Variants in UCN3 observed in about 807,000 individuals in gnomAD.
UCN3 encodes the protein urocortin-3.
Under a neutral mutation model 3.6 loss-of-function variants are expected in UCN3, and 3 were observed. That is an observed-to-expected ratio of 0.83 (90% CI 0.38 to 2.15). The LOEUF is 2.15. Among genes scored for constraint, UCN3 ranks in the 30% most tolerant of loss-of-function variants. The pLI is 0.06. For missense variants in UCN3, 206 were observed against 208.3 expected, an observed-to-expected ratio of 0.99 and a Z score of 0.07; for synonymous variants, 100 against 93.2, an observed-to-expected ratio of 1.07 and a Z score of -0.42.
At chr10:5,368,824 A>G (rs1554810924) in intron 1 of UCN3, among the ~76,000 whole-genome samples, 1 of 152,176 alleles carries the variant, frequency 6.6e-6, no homozygotes, top group African/African-American at 2.4e-5. Context: ...ACATTTAAGG[A>G]AAGAAAAGCC....
intron 1 of UCN3, among the ~76,000 whole-genome samples, chr10:5,370,840 CG>C (rs1187051492): frequency 2.5e-5 from 1 of 40,730 alleles, no homozygotes; most frequent in Non-Finnish European, 4.5e-5. Context: ...TGTGTGTGCG[CG>C]TGTGTGTGCG....
intron 1 of UCN3, among the ~76,000 whole-genome samples, chr10:5,371,203 T>C (rs1269608112): frequency 2.0e-5 from 3 of 151,184 alleles, no homozygotes; most frequent in Non-Finnish European, 4.4e-5. Flanking sequence ...GTGAGGTGTG[T>C]ATGTGTGCAT....
In UCN3 at chr10:5,365,945, G is replaced by A. The variant is rs1253333151; in HGVS notation, c.-7+715G>A. ...GGGGAGATGGATGTTTGATGTTTAT[G>A]TTTTCTGAAAATTCCTGTTCGCAAT... On this transcript the variant is annotated intron_variant, in intron 1 of 1. Coordinates refer to ENST00000380433, the MANE Select transcript of UCN3 (RefSeq NM_053049.4). This position sits in a 1 kb window ranked among gnomAD's most constrained non-coding sequence, Gnocchi z 4.4. Among the ~76,000 whole-genome samples the A allele has an allele frequency of 6.6e-6, 1 of 152,188 alleles. No homozygotes were observed. Among genetic ancestry groups the A allele is most frequent in the Non-Finnish European group, 1.5e-5 (1 of 68,038 alleles).
rs781803330 is a variant in UCN3 at position 5,370,585 on chromosome 10, GTATA to G, written c.-6-3128_-6-3125del. Among the ~76,000 whole-genome samples the G allele has an allele frequency of 8.4e-5, 10 of 119,484 alleles. 3 individuals carry two copies. The highest frequency in any genetic ancestry group is 1.7e-4 in the Non-Finnish European group (10 of 57,834). 78.4% of individuals were successfully genotyped at this position (119,484 alleles called of 152,430 possible). On this transcript the variant is annotated intron_variant, in intron 1 of 1. Transcript: ENST00000380433. ...TGTGTGTATATGCGTGTATATGTGT[GTATA>G]TGTGTGTGTGTATGCGTGTGTATAT...
At position 5,374,132 on chromosome 10, in the gene UCN3, G is replaced by A. The variant is rs781800363; in HGVS notation, c.412G>A (p.Ala138Thr). 2.6e-5 allele frequency: 42 copies of A among 1,612,878 alleles called. No individual in the cohort carries two copies. Among genetic ancestry groups the A allele is most frequent in the Middle Eastern group, 1.6e-4 (1 of 6,082 alleles). ...TNIMNLLFNIAKAKNLRAQAA... is the reference protein window; with the variant it reads ...TNIMNLLFNITKAKNLRAQAA... ...CATCATGAACCTCCTCTTCAACATC[G>A]CCAAGGCCAAGAACCTGCGTGCCCA... Residue 138 changes from alanine (A) to threonine (T), a missense_variant, in exon 2 of 2, where the codon GCC becomes ACC. Transcript: ENST00000380433.
Position 5,374,233 on chromosome 10 carries a change from G to A in UCN3, c.*27G>A, listed in dbSNP as rs782033277. 58 of 859,966 alleles carry A rather than the reference G, an allele frequency of 6.7e-5. No individual in the cohort carries two copies. The Middle Eastern group carries it at 1.1e-3, about 16-fold the overall frequency. 53.3% of individuals were successfully genotyped at this position (859,966 alleles called of 1,614,324 possible). The stretch of plus-strand genomic sequence containing the variant: ...GGCGGAGGCTGGACGGGAGGGCAGC[G>A]GGGTGGGGAGGGGGAGGGGAGGGGG... On this transcript the variant is annotated 3_prime_UTR_variant, in exon 2 of 2. Coordinates refer to ENST00000380433, the MANE Select transcript of UCN3 (RefSeq NM_053049.4).
chr10:5,369,421 C>A lies in UCN3; in HGVS notation c.-7+4191C>A, dbSNP rs557055351. The stretch of plus-strand genomic sequence containing the variant: ...TCATACACACATTGACGTTTCTCAT[C>A]GAATCCTTCACTTAACCTTCATGAG... On this transcript the variant is annotated intron_variant, in intron 1 of 1. Coordinates refer to ENST00000380433, the MANE Select transcript of UCN3 (RefSeq NM_053049.4). 2.0e-5 allele frequency among the ~76,000 whole-genome samples: 3 copies of A among 152,316 alleles called. 1 individual carries two copies. Among genetic ancestry groups the A allele is most frequent in the African/African-American group, 4.8e-5 (2 of 41,558 alleles).
At chr10:5,370,223 G>GTGTGTGTGTATGTGTTTGTGTATA (rs781842004) in intron 1 of UCN3, among the ~76,000 whole-genome samples, 1 of 13,764 alleles carries the variant, frequency 7.3e-5, no homozygotes, top group Non-Finnish European at 1.1e-4. Flanking sequence ...GTGTGTGTAT[G>GTGTGTGTGTATGTGTTTGTGTATA]TGCGTGTGTG....
rs1834122010 is a variant in UCN3, at chr10:5,366,845, G to A, written c.-7+1615G>A. Reference sequence around the variant, plus strand: ...CAACCGTGTGCAGGCTAGAGCTGAGGGTTTGCAGAGAGAGAAAGGTCTGCT... The same window carrying A: ...CAACCGTGTGCAGGCTAGAGCTGAGAGTTTGCAGAGAGAGAAAGGTCTGCT... On this transcript the variant is annotated intron_variant, in intron 1 of 1. Transcript: ENST00000380433. The surrounding 1 kb of genome is among the most constrained non-coding windows in gnomAD (Gnocchi z 4.2). Among the ~76,000 whole-genome samples the A allele has an allele frequency of 6.6e-6, 1 of 152,116 alleles. No homozygotes were observed. The highest frequency in any genetic ancestry group is 2.4e-5 in the African/African-American group (1 of 41,402).
At chr10:5,370,572 CGTGTATAT>C (rs1191143930) in intron 1 of UCN3, among the ~76,000 whole-genome samples, 3 of 18,794 alleles carry the variant, frequency 1.6e-4, no homozygotes, top group African/African-American at 2.6e-4. Context: ...TGTGTATATG[CGTGTATAT>C]GTGTGTATAT....
In UCN3 at chr10:5,366,329, G is replaced by T. The variant is rs1834117432; in HGVS notation, c.-7+1099G>T. Reference sequence around the variant, plus strand: ...AATGGTTGAGTTTCAGGCACCCAGAGAAAAATACAGGTGTAGAGCTTTGCC... The same window carrying T: ...AATGGTTGAGTTTCAGGCACCCAGATAAAAATACAGGTGTAGAGCTTTGCC... On this transcript the variant is annotated intron_variant, in intron 1 of 1. Transcript: ENST00000380433. This position sits in a 1 kb window ranked among gnomAD's most constrained non-coding sequence, Gnocchi z 4.2. Among the ~76,000 whole-genome samples, 2 of 152,146 alleles carry T rather than the reference G, an allele frequency of 1.3e-5. No individual in the cohort carries two copies. Among genetic ancestry groups the T allele is most frequent in the African/African-American group, 4.8e-5 (2 of 41,432 alleles).
Position 5,369,981 on chromosome 10 carries a change from GTGTA to G in UCN3, c.-6-3732_-6-3729del, listed in dbSNP as rs1831326620. The stretch of plus-strand genomic sequence containing the variant: ...TGTGTATATGCGTGTGTATATGCGT[GTGTA>G]TATGTGTGTATGTGTGTGTGTATGT... On this transcript the variant is annotated intron_variant, in intron 1 of 1. Coordinates refer to ENST00000380433, the MANE Select transcript of UCN3 (RefSeq NM_053049.4). Among the ~76,000 whole-genome samples the G allele has an allele frequency of 2.6e-5, 3 of 116,242 alleles. 1 individual carries two copies. The highest frequency in any genetic ancestry group is 8.7e-5 in the Admixed American group (1 of 11,482). The allele number at this position is 116,242 out of a possible 152,430, so 76.3% of individuals were successfully genotyped here.
chr10:5,370,472 CGT>C (rs1235805336), intron 1 of UCN3, among the ~76,000 whole-genome samples: 3 of 13,136 alleles, frequency 2.3e-4, no homozygotes, highest in African/African-American at 3.6e-4. Flanking sequence ...TGTGTATATG[CGT>C]GTGTATATGT....
At chr10:5,371,256 GGT>G (rs1281464909) in intron 1 of UCN3, among the ~76,000 whole-genome samples, 6 of 148,396 alleles carry the variant, frequency 4.0e-5, no homozygotes, top group South Asian at 2.1e-4. Context: ...GTATGTGTGA[GGT>G]GTGTGTGCGT....
rs1831372876 is a variant in UCN3, at chr10:5,370,527, G to GTGTGTGTATA, written c.-6-3185_-6-3176dup. The stretch of plus-strand genomic sequence containing the variant: ...TGCGTGTGTATATGTGTGTGTATGT[G>GTGTGTGTATA]TGTGTGTATATGCGTGTATATGTGT... On this transcript the variant is annotated intron_variant, in intron 1 of 1. Coordinates refer to ENST00000380433, the MANE Select transcript of UCN3 (RefSeq NM_053049.4). 8.1e-5 allele frequency among the ~76,000 whole-genome samples: 9 copies of GTGTGTGTATA among 111,800 alleles called. 3 individuals carry two copies. The highest frequency in any genetic ancestry group is 3.5e-4 in the African/African-American group (9 of 25,790). The allele number at this position is 111,800 out of a possible 152,430, so 73.3% of individuals were successfully genotyped here. A position where few individuals can be genotyped will look rare whatever the true frequency, so the allele number is the denominator to read the frequency against.
intron 1 of UCN3, among the ~76,000 whole-genome samples, chr10:5,370,139 G>A (rs868951739): frequency 9.6e-4 from 50 of 52,238 alleles, no homozygotes; most frequent in East Asian, 3.0e-3. Context: ...GTATGTGTGT[G>A]TATGCGTGTG....
intron 1 of UCN3, among the ~76,000 whole-genome samples, chr10:5,371,126 T>C (rs982084126): frequency 6.6e-6 from 1 of 151,070 alleles, no homozygotes; most frequent in Non-Finnish European, 1.5e-5. Flanking sequence ...ATGTGAGGTA[T>C]GTATGTGTGT....
At position 5,374,063 on chromosome 10, in the gene UCN3, C is replaced by T. The variant is rs1396094430; in HGVS notation, c.343C>T (p.Pro115Ser). Residue 115 changes from proline (P) to serine (S), a missense_variant, in exon 2 of 2, where the codon CCC (proline) becomes TCC (serine). Coordinates refer to ENST00000380433, the MANE Select transcript of UCN3 (RefSeq NM_053049.4). ...GCCACGCCAGGACACGGCCAAGAGT[C>T]CCCACCGCACCAAGTTCACCCTGTC... ...GKPRQDTAKS[P>S]HRTKFTLSLD... 4 of 1,613,562 alleles carry T rather than the reference C, an allele frequency of 2.5e-6. No individual in the cohort carries two copies. The highest frequency in any genetic ancestry group is 1.7e-6 in the Non-Finnish European group (2 of 1,179,788).
At position 5,370,111 on chromosome 10, in the gene UCN3, A is replaced by G. The variant is rs797023976; in HGVS notation, c.-6-3604A>G. On this transcript the variant is annotated intron_variant, in intron 1 of 1. Coordinates refer to ENST00000380433, the MANE Select transcript of UCN3 (RefSeq NM_053049.4). ...TATGCGTGTGTATATGCGTGTGTATATGTGTGTGTATGTGTGTGTATGTGT... is the reference window on the plus strand; with the variant it reads ...TATGCGTGTGTATATGCGTGTGTATGTGTGTGTGTATGTGTGTGTATGTGT... 1.3e-3 allele frequency among the ~76,000 whole-genome samples: 37 copies of G among 27,730 alleles called. 1 individual carries two copies. The highest frequency in any genetic ancestry group is 8.5e-3 in the South Asian group (4 of 472). The allele number at this position is 27,730 out of a possible 152,430, so 18.2% of individuals were successfully genotyped here. A position where few individuals can be genotyped will look rare whatever the true frequency, so the allele number is the denominator to read the frequency against.
Sources: allele counts gnomAD v4.1 joint callset (sites outside exome capture counted in the v4.1 genomes callset), GRCh38; gene constraint gnomAD v4.1.1; non-coding constraint Gnocchi (gnomAD v3.1); transcripts MANE v1.5; gene names NCBI Gene and HGNC (gene_info 2026-07-23, HGNC 2026-07-21).